The following MDGA2 variants were observed in gnomAD, a reference collection of about 807,000 sequenced individuals.
The protein encoded by MDGA2 is MAM domain containing glycosylphosphatidylinositol anchor 2.
MDGA2 carries 40 observed loss-of-function variants against 117.8 expected under a neutral mutation model. That is an observed-to-expected ratio of 0.34 (90% confidence interval 0.26 to 0.44). MDGA2 has a LOEUF of 0.44. Among genes scored for constraint, MDGA2 ranks in the 20% least tolerant of loss-of-function variants. The probability of loss-of-function intolerance (pLI) is 1.00; values close to 1 mark genes in which losing one functional copy is unlikely to be tolerated. For missense variants in MDGA2, 1,123 were observed against 1,250.6 expected, an observed-to-expected ratio of 0.90 and a Z score of 1.54; for synonymous variants, 452 against 439.0, an observed-to-expected ratio of 1.03 and a Z score of -0.37.
chr14:47,447,935 C>T (rs993838913), intron 1 of MDGA2, among the ~76,000 whole-genome samples: 1 of 152,010 alleles, frequency 6.6e-6, no homozygotes, highest in Admixed American at 6.6e-5. Context: ...TTGTTCCTGA[C>T]AGAAGGCTCC....
At chr14:47,127,117 A>G (rs1228525806) in intron 5 of MDGA2, among the ~76,000 whole-genome samples, 1 of 152,180 alleles carries the variant, frequency 6.6e-6, no homozygotes, top group South Asian at 2.1e-4. Flanking sequence ...TACAATATGT[A>G]TAATTTTCTT....
intron 3 of MDGA2, among the ~76,000 whole-genome samples, chr14:47,153,052 G>A (rs1447044446): frequency 6.6e-6 from 1 of 152,174 alleles, no homozygotes; most frequent in Non-Finnish European, 1.5e-5. Context: ...TTGAGGAATA[G>A]TAATTTGGTA....
At chr14:47,354,974 A>T (rs1363232421) in intron 1 of MDGA2, among the ~76,000 whole-genome samples, 1 of 152,056 alleles carries the variant, frequency 6.6e-6, no homozygotes, top group Non-Finnish European at 1.5e-5. Flanking sequence ...GGCTGGGAAA[A>T]TTTTAACTTA....
Position 46,887,904 on chromosome 14 carries a change from G to T in MDGA2, c.2239-5683C>A, listed in dbSNP as rs1388389450. Among the ~76,000 whole-genome samples, 4 of 151,748 alleles carry T rather than the reference G, an allele frequency of 2.6e-5. No homozygotes were observed. In the East Asian group the frequency reaches 5.8e-4, roughly 22 times the overall value. ...ACCTAAAGACACAAGTTTAATCAAG[G>T]TGTACTTTCCTTGATGTTAACATAA... On this transcript the variant is annotated intron_variant, in intron 10 of 16. Coordinates refer to ENST00000399232, the MANE Select transcript of MDGA2 (RefSeq NM_001113498.3).
At chr14:47,606,339 C>T (rs777541924) in intron 1 of MDGA2, among the ~76,000 whole-genome samples, 2 of 152,156 alleles carry the variant, frequency 1.3e-5, no homozygotes, top group Non-Finnish European at 2.9e-5. Flanking sequence ...TCTTGCTTTT[C>T]TGTCAACATC....
intron 6 of MDGA2, among the ~76,000 whole-genome samples, chr14:47,075,948 A>G (rs1324090997): frequency 1.3e-5 from 2 of 152,168 alleles, no homozygotes; most frequent in African/African-American, 2.4e-5. Context: ...CCTCGAATTA[A>G]GCTAAACATT....
chr14:47,468,121 G>A (rs540443605), intron 1 of MDGA2, among the ~76,000 whole-genome samples: 1 of 152,216 alleles, frequency 6.6e-6, no homozygotes, highest in East Asian at 1.9e-4. Flanking sequence ...AAGGCAATCA[G>A]TACAGTGTTG....
chr14:47,180,275 G>A (rs1471297301), intron 3 of MDGA2, among the ~76,000 whole-genome samples: 2 of 152,044 alleles, frequency 1.3e-5, no homozygotes, highest in East Asian at 3.9e-4. Flanking sequence ...TTAAGTAAAA[G>A]GAGATAGGCA....
intron 8 of MDGA2, among the ~76,000 whole-genome samples, chr14:46,980,643 T>C (rs368969986): frequency 6.6e-6 from 1 of 152,174 alleles, no homozygotes; most frequent in African/African-American, 2.4e-5. Flanking sequence ...ACTTCACTGT[T>C]GTTTTATCTT....
At chr14:47,504,480 A>T (rs956588486) in intron 1 of MDGA2, among the ~76,000 whole-genome samples, 1 of 152,122 alleles carries the variant, frequency 6.6e-6, no homozygotes, top group African/African-American at 2.4e-5. Context: ...TACAAAAATG[A>T]TGTCTGACTT....
intron 1 of MDGA2, among the ~76,000 whole-genome samples, chr14:47,578,071 T>C (rs893558330): frequency 7.2e-5 from 11 of 152,134 alleles, no homozygotes; most frequent in Admixed American, 3.9e-4. Context: ...ATATACACCA[T>C]GGAATACTAT....
chr14:47,327,666 C>A (rs1013887873), intron 1 of MDGA2, among the ~76,000 whole-genome samples: 2 of 152,168 alleles, frequency 1.3e-5, no homozygotes, highest in African/African-American at 4.8e-5. Flanking sequence ...CAAATTACTA[C>A]ACAAATTATA....
At chr14:46,992,181 T>A (rs1001770976) in intron 8 of MDGA2, among the ~76,000 whole-genome samples, 1 of 152,146 alleles carries the variant, frequency 6.6e-6, no homozygotes, top group East Asian at 1.9e-4. Context: ...AATTAAAATC[T>A]ATCCACAATA....
At chr14:47,053,670 C>CACAT (rs1566595460) in intron 7 of MDGA2, among the ~76,000 whole-genome samples, 1 of 137,536 alleles carries the variant, frequency 7.3e-6, no homozygotes. Flanking sequence ...CACACACACA[C>CACAT]ATATATATAT....
At chr14:47,184,868 C>T (rs1157501510) in intron 3 of MDGA2, among the ~76,000 whole-genome samples, 5 of 151,144 alleles carry the variant, frequency 3.3e-5, no homozygotes, top group African/African-American at 1.2e-4. Context: ...GTTGAATATG[C>T]ATGCTAAAAT....
chr14:46,951,514 T>G (rs1885369737), intron 9 of MDGA2, among the ~76,000 whole-genome samples: 1 of 151,950 alleles, frequency 6.6e-6, no homozygotes, highest in Non-Finnish European at 1.5e-5. Context: ...GAGCTAGAGA[T>G]TCTTCTTGTG....
At chr14:47,197,180 A>C (rs1457737411) in intron 3 of MDGA2, among the ~76,000 whole-genome samples, 2 of 152,132 alleles carry the variant, frequency 1.3e-5, no homozygotes, top group African/African-American at 4.8e-5. Context: ...ATAAAGGTTC[A>C]TTGCTGCTAT....
chr14:47,495,267 A>G (rs1894257414), intron 1 of MDGA2, among the ~76,000 whole-genome samples: 1 of 152,122 alleles, frequency 6.6e-6, no homozygotes, highest in Admixed American at 6.6e-5. Flanking sequence ...CGACTTCAAA[A>G]GGTAGGTGGG....
intron 1 of MDGA2, among the ~76,000 whole-genome samples, chr14:47,505,265 G>A (rs766703373): frequency 5.3e-5 from 8 of 152,062 alleles, no homozygotes; most frequent in Admixed American, 1.3e-4. Context: ...CAAGTAGGAG[G>A]AATAAATTCT....
Sources: allele counts gnomAD v4.1 joint callset (sites outside exome capture counted in the v4.1 genomes callset), GRCh38; gene constraint gnomAD v4.1.1; transcripts MANE v1.5; gene names NCBI Gene and HGNC (gene_info 2026-07-23, HGNC 2026-07-21).